UGT8: variants seen among roughly 807,000 people sequenced by gnomAD.
UGT8 encodes UDP glycosyltransferase 8.
In UGT8, 12 loss-of-function variants were observed where a neutral mutation model predicts 40.5. That is an observed-to-expected ratio of 0.30 (90% CI 0.19 to 0.48). The LOEUF (loss-of-function observed/expected upper bound fraction) is 0.48, where lower values mean the gene tolerates loss of function less well. Among genes scored for constraint, UGT8 ranks in the 20% least tolerant of loss-of-function variants. UGT8 has a pLI of 0.99. For missense variants in UGT8, 513 were observed against 648.7 expected, an observed-to-expected ratio of 0.79 and a Z score of 2.27; for synonymous variants, 224 against 240.4, an observed-to-expected ratio of 0.93 and a Z score of 0.63.
intron 2 of UGT8, among the ~76,000 whole-genome samples, chr4:114,649,041 A>G (rs1229227480): frequency 6.6e-6 from 1 of 152,190 alleles, no homozygotes; most frequent in African/African-American, 2.4e-5. Context: ...TGGAAAATAA[A>G]TTACTAACGC....
At chr4:114,619,155 C>T (rs1731618751) in intron 1 of UGT8, among the ~76,000 whole-genome samples, 1 of 151,914 alleles carries the variant, frequency 6.6e-6, no homozygotes, top group Non-Finnish European at 1.5e-5. Context: ...AACAATCATC[C>T]AGTGGGATTT....
At chr4:114,662,596 C>A (rs1006292879) in intron 2 of UGT8, among the ~76,000 whole-genome samples, 2 of 152,132 alleles carry the variant, frequency 1.3e-5, no homozygotes, top group African/African-American at 4.8e-5. Flanking sequence ...TACCTCCTTT[C>A]TGTCATCAGT....
intron 2 of UGT8, among the ~76,000 whole-genome samples, chr4:114,637,409 A>G (rs776908912): frequency 2.8e-4 from 42 of 152,338 alleles, no homozygotes; most frequent in Non-Finnish European, 4.6e-4. Flanking sequence ...TTAGAAATAT[A>G]CATTTTAGGA....
chr4:114,608,377 C>G (rs1055019419), intron 1 of UGT8, among the ~76,000 whole-genome samples: 2 of 152,134 alleles, frequency 1.3e-5, no homozygotes, highest in South Asian at 4.1e-4. Context: ...CACTATTGAT[C>G]AGAGAGAAGA....
In UGT8 at chr4:114,676,004, A is replaced by T. The variant is rs1444036512; in HGVS notation, c.1342A>T (p.Ile448Leu). 1 of 1,614,148 alleles carries T rather than the reference A, an allele frequency of 6.2e-7. No individual in the cohort carries two copies. The highest frequency in any genetic ancestry group is 1.1e-5 in the South Asian group (1 of 91,090). ...GHPVNRTIYWIDYIIRHNGAH... is the reference protein window; with the variant it reads ...GHPVNRTIYWLDYIIRHNGAH... ...CCCTGTCAATCGAACTATCTATTGG[A>T]TAGATTATATTATTCGTCACAATGG... The change falls in exon 6 of 6, where the codon ATA becomes TTA. Residue 448 changes from isoleucine (I) to leucine (L), a missense_variant. Transcript: ENST00000310836.
intron 2 of UGT8, chr4:114,656,959 G>T: frequency 5.5e-6 from 2 of 360,990 alleles, no homozygotes; most frequent in Non-Finnish European, 5.3e-6. Context: ...CATAGCAGCT[G>T]GTCATGGCTA....
chr4:114,658,398 G>C (rs1198762895), intron 2 of UGT8, among the ~76,000 whole-genome samples: 1 of 152,156 alleles, frequency 6.6e-6, no homozygotes, highest in Non-Finnish European at 1.5e-5. Context: ...TTTCTCTACT[G>C]TGCTGGCCCC....
At chr4:114,630,957 C>G (rs1009204908) in intron 2 of UGT8, among the ~76,000 whole-genome samples, 12 of 152,046 alleles carry the variant, frequency 7.9e-5, no homozygotes, top group Admixed American at 2.0e-4. Context: ...TAAGGGAGAA[C>G]TCTAGGCAAA....
At chr4:114,602,566 G>C (rs906515419) in intron 1 of UGT8, among the ~76,000 whole-genome samples, 1 of 152,198 alleles carries the variant, frequency 6.6e-6, no homozygotes, top group African/African-American at 2.4e-5. Context: ...AAAGCATACT[G>C]TGTGCCAAGC....
At position 114,675,831 on chromosome 4, in the gene UGT8, G is replaced by C. The variant is rs1384642798; in HGVS notation, c.1263-94G>C. The C allele has an allele frequency of 2.2e-6, 3 of 1,344,912 alleles. No individual in the cohort carries two copies. In the East Asian group the frequency reaches 9.1e-5, roughly 41 times the overall value. 83.3% of individuals were successfully genotyped at this position (1,344,912 alleles called of 1,614,324 possible). ...GCAAGGTACTTACTAAAGAATAGTTGTTTTAATTATTTCCCCTTTTTAAAT... is the reference window on the plus strand; with the variant it reads ...GCAAGGTACTTACTAAAGAATAGTTCTTTTAATTATTTCCCCTTTTTAAAT... On this transcript the variant is annotated intron_variant, in intron 5 of 5. Transcript: ENST00000310836.
At chr4:114,609,973 A>T (rs1730948501) in intron 1 of UGT8, among the ~76,000 whole-genome samples, 1 of 152,178 alleles carries the variant, frequency 6.6e-6, no homozygotes, top group Non-Finnish European at 1.5e-5. Flanking sequence ...GCCAAAATAT[A>T]TTGTAATTTT....
At chr4:114,606,482 G>C (rs1298458414) in intron 1 of UGT8, among the ~76,000 whole-genome samples, 1 of 152,094 alleles carries the variant, frequency 6.6e-6, no homozygotes, top group Non-Finnish European at 1.5e-5. Context: ...CTATTGAGTT[G>C]TTCTCACCAA....
intron 2 of UGT8, among the ~76,000 whole-genome samples, chr4:114,640,034 T>TG (rs1467732562): frequency 6.4e-5 from 1 of 15,712 alleles, no homozygotes; most frequent in Non-Finnish European, 3.1e-4. Flanking sequence ...TGTTTGTTTG[T>TG]TTTTTTTTTT....
intron 1 of UGT8, among the ~76,000 whole-genome samples, chr4:114,614,887 C>T (rs1165705041): frequency 1.6e-5 from 2 of 128,922 alleles, no homozygotes; most frequent in Non-Finnish European, 3.2e-5. Context: ...TAACCAACAA[C>T]AGGTGGCCTC....
At chr4:114,664,752 A>G (rs1578465590) in intron 3 of UGT8, among the ~76,000 whole-genome samples, 2 of 152,348 alleles carry the variant, frequency 1.3e-5, no homozygotes, top group East Asian at 3.9e-4. Flanking sequence ...CTGAAAAATC[A>G]GACGTGAACA....
At chr4:114,628,629 A>G (rs537080293) in intron 2 of UGT8, among the ~76,000 whole-genome samples, 8 of 151,442 alleles carry the variant, frequency 5.3e-5, no homozygotes, top group Non-Finnish European at 7.4e-5. Context: ...TTGAGGCAGC[A>G]TGGCACTCAT....
intron 2 of UGT8, among the ~76,000 whole-genome samples, chr4:114,646,914 G>T (rs962191019): frequency 3.3e-5 from 5 of 152,170 alleles, no homozygotes; most frequent in Admixed American, 1.3e-4. Flanking sequence ...AAGTTTCAGA[G>T]ATTGAGACAG....
At chr4:114,649,045 C>G (rs1733743596) in intron 2 of UGT8, among the ~76,000 whole-genome samples, 1 of 152,162 alleles carries the variant, frequency 6.6e-6, no homozygotes, top group South Asian at 2.1e-4. Context: ...AAATAAATTA[C>G]TAACGCAATA....
intron 2 of UGT8, among the ~76,000 whole-genome samples, chr4:114,628,088 T>A (rs1236321776): frequency 6.6e-6 from 1 of 152,206 alleles, no homozygotes; most frequent in African/African-American, 2.4e-5. Context: ...GTCTGTATAC[T>A]GTCCTAGCCA....
Sources: gnomAD v4.1 joint callset for allele counts (sites outside exome capture counted in the v4.1 genomes callset) on GRCh38, gnomAD v4.1.1 for gene constraint, MANE v1.5 for transcripts, NCBI Gene and HGNC (gene_info 2026-07-23, HGNC 2026-07-21) for gene names.